The following SPATA31F1 variants were observed in gnomAD, a reference collection of about 807,000 sequenced individuals.
SPATA31F1 encodes the protein SPATA31 subfamily F member 1.
the SPATA31F1 span, chr9:34,727,989 G>T: frequency 7.4e-5 from 114 of 1,545,784 alleles, no homozygotes; most frequent in Non-Finnish European, 9.8e-5. Flanking sequence ...GGCCAGGCTG[G>T]TTGTTGATAG....
chr9:34,728,182 C>A, the SPATA31F1 span: 120 of 1,102,500 alleles, frequency 1.1e-4, no homozygotes, highest in African/African-American at 1.6e-3. Flanking sequence ...CAAGAAAAGA[C>A]TACAATCCTG....
At chr9:34,723,474 G>A in the SPATA31F1 span, 3 of 1,551,686 alleles carry the variant, frequency 1.9e-6, no homozygotes. Flanking sequence ...CTCTTGGCTG[G>A]AGCCAGGCTC....
chr9:34,723,953 G>A, the SPATA31F1 span: 1 of 1,551,298 alleles, frequency 6.4e-7, no homozygotes, highest in Non-Finnish European at 8.7e-7. Context: ...CCATCGCCAG[G>A]ACCCTCGGGG....
At chr9:34,723,918 G>T in the SPATA31F1 span, 2 of 1,551,598 alleles carry the variant, frequency 1.3e-6, no homozygotes, top group Middle Eastern at 1.7e-4. Flanking sequence ...TGTTGACAGG[G>T]ATCAGCAAGA....
the SPATA31F1 span, chr9:34,724,374 G>A: frequency 6.5e-7 from 1 of 1,550,366 alleles, no homozygotes; most frequent in Non-Finnish European, 8.7e-7. Context: ...ACCCCTTCTG[G>A]ATTAGGGGCA....
At chr9:34,727,665 A>G in the SPATA31F1 span, among the ~76,000 whole-genome samples, 1 of 152,232 alleles carries the variant, frequency 6.6e-6, no homozygotes, top group South Asian at 2.1e-4. Context: ...TTGAAAGAGT[A>G]TAAAGAGAAT....
the SPATA31F1 span, chr9:34,723,962 G>A: frequency 3.2e-6 from 5 of 1,550,964 alleles, no homozygotes; most frequent in Middle Eastern, 1.7e-4. Context: ...GGACCCTCGG[G>A]GTGTCTTGTT....
At chr9:34,729,287 G>A in the SPATA31F1 span, 2 of 1,551,894 alleles carry the variant, frequency 1.3e-6, no homozygotes, top group Non-Finnish European at 1.7e-6. Flanking sequence ...GCCCTACCCG[G>A]CAGCAGCTCC....
chr9:34,729,392 T>C, the SPATA31F1 span: 29 of 1,551,136 alleles, frequency 1.9e-5, no homozygotes, highest in African/African-American at 4.0e-4. Flanking sequence ...ATAAGGGATA[T>C]CCAACTTCCC....
the SPATA31F1 span, chr9:34,728,616 T>C: frequency 1.3e-6 from 2 of 1,550,720 alleles, no homozygotes; most frequent in East Asian, 2.4e-5. Flanking sequence ...TACCTGTTGA[T>C]GCTGCATCTC....
chr9:34,728,130 G>A, the SPATA31F1 span: 2 of 1,515,118 alleles, frequency 1.3e-6, no homozygotes, highest in Non-Finnish European at 1.8e-6. Flanking sequence ...AATTTCATAG[G>A]CATCCTATAG....
At chr9:34,724,766 A>C in the SPATA31F1 span, 3 of 1,551,802 alleles carry the variant, frequency 1.9e-6, no homozygotes, top group South Asian at 3.6e-5. Flanking sequence ...CATCTGAATC[A>C]GAGGCTCTGC....
At chr9:34,728,129 G>C in the SPATA31F1 span, 2 of 1,525,022 alleles carry the variant, frequency 1.3e-6, no homozygotes, top group African/African-American at 1.4e-5. Context: ...TAATTTCATA[G>C]GCATCCTATA....
At chr9:34,726,457 C>T in the SPATA31F1 span, 2 of 1,551,348 alleles carry the variant, frequency 1.3e-6, no homozygotes, top group South Asian at 2.4e-5. Flanking sequence ...GGTTCAGGGA[C>T]AGCAAGGAGA....
chr9:34,725,828 A>G, the SPATA31F1 span: 1 of 1,550,700 alleles, frequency 6.4e-7, no homozygotes, highest in Non-Finnish European at 8.7e-7. Context: ...GAGCTCATTG[A>G]AGAGAAAAGG....
At chr9:34,727,953 C>T in the SPATA31F1 span, 2 of 1,452,454 alleles carry the variant, frequency 1.4e-6, no homozygotes, top group Non-Finnish European at 1.9e-6. Context: ...TAGTCCTGCC[C>T]CAGGCCAAGC....
At chr9:34,728,225 A>G in the SPATA31F1 span, 7 of 684,564 alleles carry the variant, frequency 1.0e-5, no homozygotes, top group Non-Finnish European at 1.7e-5. Context: ...GTCTGAGTAC[A>G]GCATCGCTGT....
the SPATA31F1 span, among the ~76,000 whole-genome samples, chr9:34,727,839 A>G: frequency 6.6e-6 from 1 of 152,170 alleles, no homozygotes; most frequent in Admixed American, 6.5e-5. Flanking sequence ...TGGGCAGCTC[A>G]TCTCTCCTGA....
chr9:34,727,444 G>A, the SPATA31F1 span, among the ~76,000 whole-genome samples: 1 of 152,184 alleles, frequency 6.6e-6, no homozygotes, highest in Non-Finnish European at 1.5e-5. Context: ...TCTGCATTCT[G>A]GGGTATTTGG....
Sources: gnomAD v4.1 joint callset for allele counts (sites outside exome capture counted in the v4.1 genomes callset) on GRCh38, gnomAD v4.1.1 for gene constraint, MANE v1.5 for transcripts, NCBI Gene and HGNC (gene_info 2026-07-23, HGNC 2026-07-21) for gene names.